Variants in SLC9A4 observed in about 807,000 individuals in gnomAD.
The protein encoded by SLC9A4 is sodium/hydrogen exchanger 4.
In SLC9A4, 63 loss-of-function variants were observed where a neutral mutation model predicts 67.4. That is an observed-to-expected ratio of 0.93 (90% CI 0.76 to 1.15). The LOEUF is 1.15. Ranked by LOEUF, SLC9A4 falls within the 50% of genes most tolerant of loss-of-function variation. The pLI is 0.00. For missense variants in SLC9A4, 1,089 were observed against 987.7 expected (o/e 1.10, Z -1.38); for synonymous variants, 393 against 367.2 (o/e 1.07, Z -0.80).
rs531246466 is a variant in SLC9A4, at chr2:102,508,080, C to T, written c.1200C>T (p.Ser400=). 6.8e-6 allele frequency: 11 copies of T among 1,613,978 alleles called. No individual in the cohort carries two copies. The highest frequency in any genetic ancestry group is 4.0e-5 in the African/African-American group (3 of 75,024). The change falls in exon 5 of 12, where the codon AGC becomes AGT. Residue 400 remains serine, a splice_region_variant and synonymous_variant. Transcript: ENST00000295269. ...LAFCQIWRAI[S]VFALFYISNQ... ...TAATACACGTTTCCCCCTTTCTAGGCGTATTTGCTCTCTTCTATATCAGTA... is the reference window on the plus strand; with the variant it reads ...TAATACACGTTTCCCCCTTTCTAGGTGTATTTGCTCTCTTCTATATCAGTA...
rs538381964 is a variant in SLC9A4 at position 102,473,921 on chromosome 2, G to C, written c.162G>C (p.Glu54Asp). The C allele has an allele frequency of 1.9e-6, 3 of 1,614,106 alleles. No homozygotes were observed. The African/African-American group carries it at 4.0e-5, about 22-fold the overall frequency. ...AWFAAASSEP[E>D]EGISVFELDY... Reference sequence around the variant, plus strand: ...TTGCTGCTGCCAGCTCAGAGCCAGAGGAAGGGATATCTGTTTTTGAACTGG... The same window carrying C: ...TTGCTGCTGCCAGCTCAGAGCCAGACGAAGGGATATCTGTTTTTGAACTGG... The change falls in exon 1 of 12, where the codon GAG becomes GAC. Residue 54 changes from glutamate to aspartate, a missense_variant. Physicochemically the swap from Glu to Asp is conservative, Grantham distance 45. Transcript: ENST00000295269.
At chr2:102,503,826 A>G (rs1304279881) in intron 3 of SLC9A4, 119 bp downstream of exon 3, 2 of 1,363,894 alleles carry the variant, frequency 1.5e-6, no homozygotes, top group East Asian at 4.6e-5. Flanking sequence ...AACATGTTGC[A>G]GATTTAGGAT....
chr2:102,496,464 A>G (rs1410474555), intron 2 of SLC9A4, among the ~76,000 whole-genome samples: 1 of 152,232 alleles, frequency 6.6e-6, no homozygotes, highest in Admixed American at 6.5e-5. Context: ...TGAAAGTCCA[A>G]GGAAGCTGAG....
chr2:102,473,291 T>G lies in SLC9A4; in HGVS notation c.-469T>G, dbSNP rs1166802961. The G allele has an allele frequency of 1.9e-5, 3 of 154,686 alleles. No individual in the cohort carries two copies. The highest frequency in any genetic ancestry group is 4.3e-5 in the Non-Finnish European group (3 of 69,754). The allele number at this position is 154,686 out of a possible 1,614,324, so 9.6% of individuals were successfully genotyped here. ...CAAGCGCAGATCAGGTAGCTCCTTC[T>G]TGGGATCTGATAGACAGGGAAGGTT... On this transcript the variant is annotated 5_prime_UTR_variant, in exon 1 of 12. Coordinates refer to ENST00000295269, the MANE Select transcript of SLC9A4 (RefSeq NM_001011552.4).
At chr2:102,489,267 T>G (rs1366977515) in intron 2 of SLC9A4, among the ~76,000 whole-genome samples, 1 of 152,178 alleles carries the variant, frequency 6.6e-6, no homozygotes, top group Admixed American at 6.5e-5. Flanking sequence ...AGGTGGGTTC[T>G]TGGATGGCAC....
chr2:102,522,719 C>T lies in SLC9A4; in HGVS notation c.1819-2305C>T, dbSNP rs1212394451. Among the ~76,000 whole-genome samples, 7 of 152,118 alleles carry T rather than the reference C, an allele frequency of 4.6e-5. No homozygotes were observed. In the South Asian group the frequency reaches 6.2e-4, roughly 14 times the overall value. ...TTCTTAATTCTTGTGTTATTTTTCA[C>T]GACAGTGTCATGTTACCATTTTTTA... On this transcript the variant is annotated intron_variant, in intron 9 of 11. Coordinates refer to ENST00000295269, the MANE Select transcript of SLC9A4 (RefSeq NM_001011552.4).
In SLC9A4 at chr2:102,479,270, G is replaced by A. The variant is rs773772713; in HGVS notation, c.688G>A (p.Gly230Arg). The stretch of plus-strand genomic sequence containing the variant: ...CGAGCAGCTCTACATGATGATCTTT[G>A]GGGAGGCCCTGCTCAATGATGGCAT... ...VNEQLYMMIFGEALLNDGITV... is the reference protein window; with the variant it reads ...VNEQLYMMIFREALLNDGITV... The change falls in exon 2 of 12, where the codon GGG becomes AGG. Residue 230 changes from glycine (G) to arginine (R), a missense_variant. Transcript: ENST00000295269. The A allele has an allele frequency of 6.2e-7, 1 of 1,612,926 alleles. No individual in the cohort carries two copies. Among genetic ancestry groups the A allele is most frequent in the Non-Finnish European group, 8.5e-7 (1 of 1,179,518 alleles).
chr2:102,532,255 T>A (rs1674791755), intron 11 of SLC9A4, 75 bp from the exon 12 acceptor site: 1 of 1,470,588 alleles, frequency 6.8e-7, no homozygotes, highest in Non-Finnish European at 9.2e-7. Flanking sequence ...TCTGAGTTCC[T>A]GCCATGTGGA....
At chr2:102,530,983 A>C (rs1674767446) in intron 11 of SLC9A4, among the ~76,000 whole-genome samples, 1 of 150,678 alleles carries the variant, frequency 6.6e-6, no homozygotes, top group African/African-American at 2.4e-5. Flanking sequence ...CTAGATATGG[A>C]GTTTTTGTTT....
chr2:102,520,331 T>C (rs1371488324), intron 9 of SLC9A4, among the ~76,000 whole-genome samples: 1 of 152,178 alleles, frequency 6.6e-6, no homozygotes, highest in Non-Finnish European at 1.5e-5. Context: ...GTATTGACTA[T>C]AGTAAAGATG....
intron 9 of SLC9A4, among the ~76,000 whole-genome samples, chr2:102,521,501 A>G (rs1462304214): frequency 1.3e-5 from 2 of 152,126 alleles, no homozygotes; most frequent in Non-Finnish European, 2.9e-5. Flanking sequence ...GGGCAGTTAC[A>G]AGCCTATGAG....
chr2:102,510,596 G>C (rs1228810975), intron 6 of SLC9A4, among the ~76,000 whole-genome samples: 7 of 152,200 alleles, frequency 4.6e-5, no homozygotes, highest in Admixed American at 4.6e-4. Context: ...GCAACATCTA[G>C]AGTACTGTTT....
chr2:102,499,520 G>T (rs1241100364), intron 2 of SLC9A4, among the ~76,000 whole-genome samples: 4 of 152,008 alleles, frequency 2.6e-5, no homozygotes, highest in Non-Finnish European at 4.4e-5. Flanking sequence ...AATGTTCATG[G>T]TATGTGTGTG....
intron 9 of SLC9A4, among the ~76,000 whole-genome samples, chr2:102,522,602 T>C (rs1685451652): frequency 6.6e-6 from 1 of 152,162 alleles, no homozygotes; most frequent in South Asian, 2.1e-4. Flanking sequence ...CAATACATTG[T>C]ATGTATACAA....
intron 2 of SLC9A4, among the ~76,000 whole-genome samples, chr2:102,482,330 T>C (rs890576246): frequency 1.3e-5 from 2 of 152,156 alleles, no homozygotes; most frequent in African/African-American, 4.8e-5. Context: ...AAACCTCAGA[T>C]GACCGCTGAA....
At chr2:102,509,008 G>T in intron 6 of SLC9A4, 75 bp downstream of exon 6, 1 of 1,179,858 alleles carries the variant, frequency 8.5e-7, no homozygotes, top group Non-Finnish European at 1.2e-6. Flanking sequence ...ATGTGCACGT[G>T]TCACTAGACT....
At chr2:102,506,525 A>C (rs1685053382) in intron 4 of SLC9A4, among the ~76,000 whole-genome samples, 1 of 152,208 alleles carries the variant, frequency 6.6e-6, no homozygotes, top group Non-Finnish European at 1.5e-5. Context: ...GAATAGAGGA[A>C]GCTGTGATAC....
In SLC9A4 at chr2:102,488,705, C is replaced by A. The variant is rs543269681; in HGVS notation, c.720+9403C>A. On this transcript the variant is annotated intron_variant, in intron 2 of 11. Transcript: ENST00000295269. ...CTGGGACTAAAGGTGCCCACCACCA[C>A]GCCCGGCTAATTTTTGTATTTTTAG... is the stretch of plus-strand genomic sequence containing the variant. Among the ~76,000 whole-genome samples the A allele has an allele frequency of 1.2e-3, 179 of 152,170 alleles. 1 individual carries two copies. The highest frequency in any genetic ancestry group is 4.1e-3 in the African/African-American group (171 of 41,482).
rs1162724752 is a variant in SLC9A4 at position 102,532,809 on chromosome 2, C to T, written c.*121C>T. On this transcript the variant is annotated 3_prime_UTR_variant, in exon 12 of 12. Coordinates refer to ENST00000295269, the MANE Select transcript of SLC9A4 (RefSeq NM_001011552.4). ...AGTTTGCTGTGTTGAAGCTATTAAA[C>T]ATGGATCTATAAGCAGCAGGAAGAT... is the stretch of plus-strand genomic sequence containing the variant. The T allele has an allele frequency of 1.4e-5, 15 of 1,073,190 alleles. No homozygotes were observed. In the East Asian group the frequency reaches 3.7e-4, roughly 27 times the overall value. The allele number at this position is 1,073,190 out of a possible 1,614,324, so 66.5% of individuals were successfully genotyped here.
Sources: gnomAD v4.1 joint callset for allele counts (sites outside exome capture counted in the v4.1 genomes callset) on GRCh38, gnomAD v4.1.1 for gene constraint, MANE v1.5 for transcripts, NCBI Gene and HGNC (gene_info 2026-07-23, HGNC 2026-07-21) for gene names.